RAD51B: variants seen among roughly 807,000 people sequenced by gnomAD.
RAD51B encodes the protein DNA repair protein RAD51 homolog 2.
In RAD51B, 38 loss-of-function variants were observed where a neutral mutation model predicts 42.2. That is an observed-to-expected ratio of 0.90 (90% CI 0.70 to 1.18). RAD51B has a LOEUF of 1.18. RAD51B is among the 50% of genes most tolerant of loss of function. The pLI, the probability that RAD51B is intolerant of heterozygous loss-of-function variation, is 0.00. For synonymous variants in RAD51B, 154 were observed against 145.2 expected, an observed-to-expected ratio of 1.06 and a Z score of -0.43; for missense variants, 373 against 400.7, an observed-to-expected ratio of 0.93 and a Z score of 0.59.
chr14:67,972,773 C>A (rs2074922448), intron 7 of RAD51B, among the ~76,000 whole-genome samples: 1 of 152,052 alleles, frequency 6.6e-6, no homozygotes, highest in African/African-American at 2.4e-5. Context: ...TTATGTGGAA[C>A]TATTATCATG....
chr14:68,076,085 C>T (rs564149185), intron 7 of RAD51B, among the ~76,000 whole-genome samples: 22 of 152,274 alleles, frequency 1.4e-4, no homozygotes, highest in African/African-American at 5.3e-4. Flanking sequence ...AATCATGGCT[C>T]CATGACACAC....
chr14:68,534,405 T>C (rs1339308752), intron 10 of RAD51B, among the ~76,000 whole-genome samples: 2 of 152,160 alleles, frequency 1.3e-5, no homozygotes, highest in Non-Finnish European at 2.9e-5. Flanking sequence ...AAGGGTTATA[T>C]AATGTGAAGG....
At chr14:68,556,057 G>A (rs1186935813) in intron 10 of RAD51B, among the ~76,000 whole-genome samples, 1 of 152,250 alleles carries the variant, frequency 6.6e-6, no homozygotes. Context: ...TTCCTATTAT[G>A]AGCCAAGTCA....
chr14:68,407,588 G>A (rs1233471598), intron 8 of RAD51B, among the ~76,000 whole-genome samples: 3 of 152,190 alleles, frequency 2.0e-5, no homozygotes, highest in Non-Finnish European at 2.9e-5. Context: ...TGCAGAGCAC[G>A]ACTCTGTATT....
intron 10 of RAD51B, among the ~76,000 whole-genome samples, chr14:68,533,519 C>G (rs927085495): frequency 7.2e-5 from 11 of 152,130 alleles, no homozygotes; most frequent in Non-Finnish European, 1.6e-4. Context: ...GCTACTTCTT[C>G]CATTGTAATG....
intron 8 of RAD51B, among the ~76,000 whole-genome samples, chr14:68,347,500 A>C (rs746266609): frequency 6.6e-6 from 1 of 152,196 alleles, no homozygotes; most frequent in Non-Finnish European, 1.5e-5. Context: ...TGAGCGACGT[A>C]GTAGGGACCC....
intron 7 of RAD51B, among the ~76,000 whole-genome samples, chr14:67,893,483 C>G (rs1245445040): frequency 1.5e-5 from 1 of 67,310 alleles, no homozygotes; most frequent in Non-Finnish European, 3.0e-5. Flanking sequence ...CACACACACA[C>G]ACACACACAC....
At chr14:68,094,432 A>G (rs1263791375) in intron 7 of RAD51B, among the ~76,000 whole-genome samples, 2 of 152,218 alleles carry the variant, frequency 1.3e-5, no homozygotes, top group Non-Finnish European at 2.9e-5. Flanking sequence ...ATTTTGAAAG[A>G]GTATTTAATG....
At chr14:68,026,161 G>C (rs184115089) in intron 7 of RAD51B, among the ~76,000 whole-genome samples, 87 of 152,224 alleles carry the variant, frequency 5.7e-4, no homozygotes, top group African/African-American at 2.0e-3. Context: ...AATTTTGAGA[G>C]ATCTTGTTGG....
At chr14:68,006,160 C>G (rs1217570240) in intron 7 of RAD51B, among the ~76,000 whole-genome samples, 1 of 152,158 alleles carries the variant, frequency 6.6e-6, no homozygotes, top group Non-Finnish European at 1.5e-5. Context: ...GGGTGGGACA[C>G]AGATCCAAAC....
intron 9 of RAD51B, among the ~76,000 whole-genome samples, chr14:68,433,259 G>A (rs758048092): frequency 1.1e-4 from 16 of 152,212 alleles, no homozygotes; most frequent in Non-Finnish European, 1.9e-4. Flanking sequence ...TATCTTTGTG[G>A]CGTTCTCTGT....
At chr14:68,506,704 T>TG (rs375095335) in intron 10 of RAD51B, among the ~76,000 whole-genome samples, 110 of 151,188 alleles carry the variant, frequency 7.3e-4, no homozygotes, top group Middle Eastern at 6.8e-3. Flanking sequence ...GAAAGGCGGG[T>TG]GGGGGGGACA....
At chr14:68,186,716 C>T (rs568027590) in intron 7 of RAD51B, among the ~76,000 whole-genome samples, 22 of 152,224 alleles carry the variant, frequency 1.4e-4, no homozygotes, top group African/African-American at 4.8e-4. Context: ...CAAAAAACAA[C>T]ATGTTGGCAA....
chr14:68,641,401 CAA>C (rs1252435156), intron 10 of RAD51B, among the ~76,000 whole-genome samples: 2 of 152,094 alleles, frequency 1.3e-5, no homozygotes, highest in Non-Finnish European at 2.9e-5. Context: ...TCATTTACAA[CAA>C]AGTTTTCTTT....
At chr14:68,145,431 G>T (rs1036173434) in intron 7 of RAD51B, among the ~76,000 whole-genome samples, 10 of 152,068 alleles carry the variant, frequency 6.6e-5, no homozygotes, top group Non-Finnish European at 1.5e-4. Flanking sequence ...CTGTTATATG[G>T]CAAAAGTAAC....
At chr14:68,266,341 C>G (rs2080991968) in intron 7 of RAD51B, among the ~76,000 whole-genome samples, 1 of 152,194 alleles carries the variant, frequency 6.6e-6, no homozygotes, top group Admixed American at 6.5e-5. Context: ...GATTGGAGCA[C>G]CACAGAGTAT....
At chr14:68,191,208 C>T (rs1023040479) in intron 7 of RAD51B, among the ~76,000 whole-genome samples, 2 of 152,026 alleles carry the variant, frequency 1.3e-5, no homozygotes, top group Non-Finnish European at 2.9e-5. Context: ...CTTGGAAACC[C>T]AACTTCTGTT....
intron 7 of RAD51B, among the ~76,000 whole-genome samples, chr14:68,133,629 G>A (rs979824378): frequency 7.9e-5 from 12 of 151,914 alleles, no homozygotes; most frequent in Admixed American, 3.9e-4. Context: ...ACACCACCAC[G>A]CCTGGCTAAT....
chr14:68,344,144 A>G (rs979074753), intron 8 of RAD51B, among the ~76,000 whole-genome samples: 2 of 152,188 alleles, frequency 1.3e-5, no homozygotes, highest in Admixed American at 1.3e-4. Context: ...AGTGATGGGA[A>G]GAGGGCCACC....
Sources: allele counts gnomAD v4.1 joint callset (sites outside exome capture counted in the v4.1 genomes callset), GRCh38; gene constraint gnomAD v4.1.1; transcripts MANE v1.5; gene names NCBI Gene and HGNC (gene_info 2026-07-23, HGNC 2026-07-21).